Variants in UNC13C observed in about 807,000 individuals in gnomAD.
The protein encoded by UNC13C is unc-13 homolog C.
A neutral mutation model predicts 245.4 loss-of-function variants in UNC13C; 174 were observed. The observed-to-expected ratio is 0.71, with a 90% CI of 0.63 to 0.80. The LOEUF is 0.80. Ranked by LOEUF, UNC13C falls within the 30% of genes least tolerant of loss-of-function variation. UNC13C has a pLI of 0.00. For missense variants in UNC13C, 2,829 were observed against 2,602.9 expected (o/e 1.09, Z -1.89); for synonymous variants, 992 against 895.1 (o/e 1.11, Z -1.93).
At chr15:54,185,998 T>C (rs1267483247) in intron 4 of UNC13C, among the ~76,000 whole-genome samples, 1 of 151,742 alleles carries the variant, frequency 6.6e-6, no homozygotes, top group East Asian at 1.9e-4. Context: ...CCCTTGTAAG[T>C]TGGATTCCTA....
chr15:53,930,856 T>C, the UNC13C span, among the ~76,000 whole-genome samples: 3 of 152,214 alleles, frequency 2.0e-5, no homozygotes, highest in Non-Finnish European at 4.4e-5. Context: ...TAAGGTACTT[T>C]TTCAGTGTAA....
intron 19 of UNC13C, among the ~76,000 whole-genome samples, chr15:54,419,182 A>G (rs1020103453): frequency 2.6e-5 from 4 of 152,192 alleles, no homozygotes; most frequent in Non-Finnish European, 5.9e-5. Context: ...TCAGTAAAAG[A>G]TAATTAAAAT....
At chr15:54,274,838 A>AT (rs1363339745) in intron 10 of UNC13C, among the ~76,000 whole-genome samples, 1 of 151,778 alleles carries the variant, frequency 6.6e-6, no homozygotes, top group African/African-American at 2.4e-5. Context: ...CGCCCAGCTA[A>AT]TTTTTGTATT....
At chr15:54,400,447 A>G (rs2040158676) in intron 18 of UNC13C, among the ~76,000 whole-genome samples, 1 of 152,088 alleles carries the variant, frequency 6.6e-6, no homozygotes, top group African/African-American at 2.4e-5. Context: ...TTTCTGGGTT[A>G]TTCCATTTGC....
intron 17 of UNC13C, among the ~76,000 whole-genome samples, chr15:54,373,110 T>C (rs2039528062): frequency 6.6e-6 from 1 of 152,176 alleles, no homozygotes; most frequent in African/African-American, 2.4e-5. Context: ...TATGACAGCA[T>C]GAGACAGTCA....
chr15:54,273,204 A>T (rs2036734132), intron 10 of UNC13C, among the ~76,000 whole-genome samples: 1 of 152,206 alleles, frequency 6.6e-6, no homozygotes, highest in South Asian at 2.1e-4. Context: ...AAGTCCTTGC[A>T]GAAACCAGGA....
chr15:54,250,258 C>T lies in UNC13C; in HGVS notation c.3262C>T (p.Leu1088=), dbSNP rs34909598. The stretch of plus-strand genomic sequence containing the variant: ...CGTCTTCAAGAAGACCTTGCAGGCA[C>T]TGATCTACCCTATGTCTTCTACCAT... ...MHVFKKTLQA[L]IYPMSSTIPH... The change falls in exon 8 of 33, where the codon CTG becomes TTG. Residue 1088 remains leucine, a synonymous_variant. Coordinates refer to ENST00000260323, the MANE Select transcript of UNC13C (RefSeq NM_001080534.3). 0.013 allele frequency: 20,616 copies of T among 1,613,960 alleles called. 185 individuals are homozygous for T. The highest frequency in any genetic ancestry group is 0.016 in the Non-Finnish European group (18,736 of 1,179,876).
At chr15:54,401,585 A>G in intron 18 of UNC13C, among the ~76,000 whole-genome samples, 1 of 152,332 alleles carries the variant, frequency 6.6e-6, no homozygotes, top group East Asian at 1.9e-4. Context: ...TTAAGTCAGA[A>G]TGAAGTATAA....
chr15:54,077,376 C>CTTTCT (rs1898687901), intron 2 of UNC13C, among the ~76,000 whole-genome samples: 2 of 62,700 alleles, frequency 3.2e-5, no homozygotes, highest in African/African-American at 1.2e-4. Flanking sequence ...CTTTTCTTTT[C>CTTTCT]TTTTTTTTTT....
At chr15:54,028,258 G>T (rs1477413797) in intron 2 of UNC13C, among the ~76,000 whole-genome samples, 1 of 152,028 alleles carries the variant, frequency 6.6e-6, no homozygotes, top group Non-Finnish European at 1.5e-5. Context: ...TTTCCTATGT[G>T]GGGTACATTC....
chr15:54,243,499 C>T (rs1377558714), intron 7 of UNC13C, among the ~76,000 whole-genome samples: 1 of 152,054 alleles, frequency 6.6e-6, no homozygotes, highest in African/African-American at 2.4e-5. Flanking sequence ...GGGTATATAC[C>T]CAGTAATGGG....
In UNC13C at chr15:54,266,238, T is replaced by A. The variant is rs374245838; in HGVS notation, c.3818+742T>A. Among the ~76,000 whole-genome samples, 7 of 151,964 alleles carry A rather than the reference T, an allele frequency of 4.6e-5. No homozygotes were observed. The East Asian group carries it at 7.7e-4, about 17-fold the overall frequency. On this transcript the variant is annotated intron_variant, in intron 10 of 32. Transcript: ENST00000260323. ...TTATTTGGGAATGTGGGCAATATTG[T>A]GTAAGAAGTAGAGTTTCTTGCATAT...
At chr15:54,371,418 C>G (rs1359085075) in intron 17 of UNC13C, among the ~76,000 whole-genome samples, 1 of 152,090 alleles carries the variant, frequency 6.6e-6, no homozygotes, top group East Asian at 1.9e-4. Flanking sequence ...CCATTCTTGC[C>G]ATCAACATTG....
rs1899171754 is a variant in UNC13C at position 54,085,268 on chromosome 15, G to A, written c.2984-57750G>A. Among the ~76,000 whole-genome samples, 3 of 152,232 alleles carry A rather than the reference G, an allele frequency of 2.0e-5. No homozygotes were observed. The South Asian group carries it at 6.2e-4, about 32-fold the overall frequency. On this transcript the variant is annotated intron_variant, in intron 2 of 32. Transcript: ENST00000260323. ...TCAAAATTTAGGGCTACTTTCTCCT[G>A]GTACATTTACCGATTCTAGAAGTGT...
intron 19 of UNC13C, among the ~76,000 whole-genome samples, chr15:54,471,680 T>C (rs1892469286): frequency 2.0e-5 from 3 of 151,604 alleles, no homozygotes; most frequent in African/African-American, 7.2e-5. Flanking sequence ...ATATGATCTA[T>C]CTTGGAAAAT....
At chr15:54,097,899 G>A (rs1899955691) in intron 2 of UNC13C, among the ~76,000 whole-genome samples, 1 of 152,102 alleles carries the variant, frequency 6.6e-6, no homozygotes, top group Non-Finnish European at 1.5e-5. Context: ...TAGACTCTGG[G>A]GTTTTTAGAA....
intron 30 of UNC13C, among the ~76,000 whole-genome samples, chr15:54,591,392 G>T (rs1300050189): frequency 6.6e-6 from 1 of 152,128 alleles, no homozygotes; most frequent in Non-Finnish European, 1.5e-5. Context: ...ATGTCTGGTA[G>T]AATTCTGCTG....
At position 54,393,113 on chromosome 15, in the gene UNC13C, C is replaced by A; in HGVS notation, c.4779C>A (p.Pro1593=). 1 of 1,610,244 alleles carries A rather than the reference C, an allele frequency of 6.2e-7. No homozygotes were observed. Among genetic ancestry groups the A allele is most frequent in the Non-Finnish European group, 8.5e-7 (1 of 1,178,256 alleles). ...GPTTKNLDFW[P]QLITLMVTII... ...CCACCAAGAATTTGGATTTTTGGCCCCAACTTATTACACTGATGGTTACTA... is the reference window on the plus strand; with the variant it reads ...CCACCAAGAATTTGGATTTTTGGCCACAACTTATTACACTGATGGTTACTA... Residue 1593 remains proline, a synonymous_variant, in exon 18 of 33, where the codon CCC becomes CCA. Transcript: ENST00000260323.
At chr15:54,605,768 C>G (rs114407876) in intron 30 of UNC13C, among the ~76,000 whole-genome samples, 2 of 152,320 alleles carry the variant, frequency 1.3e-5, no homozygotes, top group East Asian at 1.9e-4. Flanking sequence ...AGGATCTGGT[C>G]AAACCTGTAT....
Sources: allele counts gnomAD v4.1 joint callset (sites outside exome capture counted in the v4.1 genomes callset), GRCh38; gene constraint gnomAD v4.1.1; transcripts MANE v1.5; gene names NCBI Gene and HGNC (gene_info 2026-07-23, HGNC 2026-07-21).